The following RBFOX1 variants were observed in gnomAD, a reference collection of about 807,000 sequenced individuals.
The protein encoded by RBFOX1 is RNA binding protein fox-1 homolog 1.
RBFOX1 carries 8 observed loss-of-function variants against 57.7 expected under a neutral mutation model. The ratio of observed to expected loss-of-function variants is 0.14; its 90% confidence interval spans 0.08 to 0.25. The LOEUF (loss-of-function observed/expected upper bound fraction) is 0.25, where lower values mean the gene tolerates loss of function less well. Among genes scored for constraint, RBFOX1 ranks in the 10% least tolerant of loss-of-function variants. RBFOX1 has a pLI of 1.00. For missense variants in RBFOX1, 611 were observed against 548.5 expected (o/e 1.11, Z -1.14); for synonymous variants, 326 against 222.4 (o/e 1.47, Z -4.15).
chr16:5,426,311 G>C (rs897574737), intron 1 of RBFOX1, among the ~76,000 whole-genome samples: 9 of 152,144 alleles, frequency 5.9e-5, no homozygotes, highest in Non-Finnish European at 8.8e-5. Context: ...TCTGATTCAG[G>C]ATGTCTGTAA....
chr16:6,390,687 C>T (rs747820789), intron 2 of RBFOX1, among the ~76,000 whole-genome samples: 32 of 152,200 alleles, frequency 2.1e-4, no homozygotes, highest in Non-Finnish European at 4.4e-4. Context: ...TAAATGATGA[C>T]TTTTACAAAG....
chr16:7,060,829 C>T (rs1338347018), intron 4 of RBFOX1, among the ~76,000 whole-genome samples: 4 of 152,186 alleles, frequency 2.6e-5, no homozygotes, highest in African/African-American at 4.8e-5. Flanking sequence ...CTGGATTGTT[C>T]TGTCCTCAAA....
chr16:7,024,360 A>G (rs530214186), intron 3 of RBFOX1, among the ~76,000 whole-genome samples: 3 of 152,242 alleles, frequency 2.0e-5, no homozygotes, highest in South Asian at 4.1e-4. Context: ...TAATTCTTGG[A>G]GGGCAGTTGA....
intron 2 of RBFOX1, among the ~76,000 whole-genome samples, chr16:5,542,987 C>G (rs1359553473): frequency 6.6e-6 from 1 of 152,192 alleles, no homozygotes; most frequent in Non-Finnish European, 1.5e-5. Context: ...TGGAAAACCT[C>G]ACAGTTTATA....
At chr16:6,250,159 G>C (rs927020629) in intron 1 of RBFOX1, among the ~76,000 whole-genome samples, 1 of 152,174 alleles carries the variant, frequency 6.6e-6, no homozygotes, top group African/African-American at 2.4e-5. Context: ...TTCATCTGCT[G>C]TTGCTTAGTT....
rs2093148640 is a variant in RBFOX1, at chr16:6,837,013, A to C, written c.-16+182363A>C. 1.3e-5 allele frequency among the ~76,000 whole-genome samples: 2 copies of C among 152,112 alleles called. 1 individual carries two copies. The highest frequency in any genetic ancestry group is 1.3e-4 in the Admixed American group (2 of 15,266). The stretch of plus-strand genomic sequence containing the variant: ...CTCACATAGCTTCTCACGGATGAAC[A>C]CACCTATTTACTCGGCTTTTACAGT... On this transcript the variant is annotated intron_variant, in intron 3 of 15. Coordinates refer to ENST00000550418, the MANE Select transcript of RBFOX1 (RefSeq NM_018723.4).
At chr16:7,291,007 G>A (rs142477466) in intron 4 of RBFOX1, among the ~76,000 whole-genome samples, 83 of 152,250 alleles carry the variant, frequency 5.5e-4, no homozygotes, top group African/African-American at 1.9e-3. Context: ...TATTTAACTA[G>A]GCACTGGGCA....
At chr16:5,386,528 C>T (rs568618226) in intron 1 of RBFOX1, among the ~76,000 whole-genome samples, 11 of 152,280 alleles carry the variant, frequency 7.2e-5, no homozygotes, top group African/African-American at 2.2e-4. Flanking sequence ...CCTGCCCTCC[C>T]TACTCTTTGC....
chr16:6,058,833 T>TCC (rs2095648782), intron 1 of RBFOX1, among the ~76,000 whole-genome samples: 13 of 134,408 alleles, frequency 9.7e-5, no homozygotes, highest in East Asian at 4.4e-4. Flanking sequence ...CTCATTTATT[T>TCC]ATCCATCCAT....
chr16:6,278,267 C>G (rs948620291), intron 1 of RBFOX1, among the ~76,000 whole-genome samples: 1 of 150,384 alleles, frequency 6.6e-6, no homozygotes, highest in Non-Finnish European at 1.5e-5. Context: ...TGGCAGGGAG[C>G]AGGCATGTGC....
In RBFOX1 at chr16:5,801,851, T is replaced by A. The variant is rs563184020; in HGVS notation, c.319-65452T>A. Among the ~76,000 whole-genome samples the A allele has an allele frequency of 4.6e-5, 7 of 152,190 alleles. No individual in the cohort carries two copies. The South Asian group carries it at 1.5e-3, about 32-fold the overall frequency. On this transcript the variant is annotated intron_variant, in intron 3 of 19. Transcript: ENST00000641259. ...CATCATTAAAAATCAGAATGTTCAG[T>A]TTTGCTGGTTATGGAAGTTGTGTAT...
Position 7,404,328 on chromosome 16 carries a change from C to T in RBFOX1, c.28-113819C>T, listed in dbSNP as rs141903828. On this transcript the variant is annotated intron_variant, in intron 4 of 15. Coordinates refer to ENST00000550418, the MANE Select transcript of RBFOX1 (RefSeq NM_018723.4). ...TCAGCCTCCCAAAGTGCTGGGATTC[C>T]AGGCATAAGCCACCGTGCCCAGCCG... Among the ~76,000 whole-genome samples, 1,125 of 152,198 alleles carry T rather than the reference C, an allele frequency of 7.4e-3. 20 individuals carry two copies. Among genetic ancestry groups the T allele is most frequent in the African/African-American group, 0.026 (1,079 of 41,522 alleles).
chr16:6,739,521 C>G (rs915317538), intron 3 of RBFOX1, among the ~76,000 whole-genome samples: 2 of 139,086 alleles, frequency 1.4e-5, no homozygotes, highest in African/African-American at 2.6e-5. Context: ...AATGGTTTCA[C>G]TGGAGAATTC....
chr16:6,250,427 A>G (rs1283077874), intron 1 of RBFOX1, among the ~76,000 whole-genome samples: 1 of 152,104 alleles, frequency 6.6e-6, no homozygotes, highest in African/African-American at 2.4e-5. Flanking sequence ...GGGATTCTAG[A>G]TTATCTTTAT....
chr16:5,343,298 G>GTTTTTTT (rs33934959), intron 1 of RBFOX1, among the ~76,000 whole-genome samples: 4 of 109,944 alleles, frequency 3.6e-5, no homozygotes, highest in African/African-American at 1.3e-4. Flanking sequence ...CTTCTTTGAA[G>GTTTTTTT]TTTTTTTTTT....
chr16:7,121,011 C>T (rs558063248), intron 4 of RBFOX1, among the ~76,000 whole-genome samples: 4 of 151,896 alleles, frequency 2.6e-5, no homozygotes, highest in South Asian at 4.1e-4. Context: ...AGAAAACTAA[C>T]ACATGACCCT....
At chr16:5,868,147 T>C (rs918641123) in intron 4 of RBFOX1, among the ~76,000 whole-genome samples, 1 of 152,176 alleles carries the variant, frequency 6.6e-6, no homozygotes, top group Admixed American at 6.5e-5. Context: ...TTGTCCATGT[T>C]GTAATGTAAT....
intron 3 of RBFOX1, among the ~76,000 whole-genome samples, chr16:7,003,707 A>G (rs2093041107): frequency 6.6e-6 from 1 of 152,200 alleles, no homozygotes; most frequent in Non-Finnish European, 1.5e-5. Flanking sequence ...TAATTATTAA[A>G]CACAAACAAT....
chr16:6,058,504 G>A (rs758512108), intron 1 of RBFOX1, among the ~76,000 whole-genome samples: 4 of 152,090 alleles, frequency 2.6e-5, no homozygotes, highest in South Asian at 4.2e-4. Flanking sequence ...TGATGACATC[G>A]AAGCATTTCC....
Sources: gnomAD v4.1 joint callset for allele counts (sites outside exome capture counted in the v4.1 genomes callset) on GRCh38, gnomAD v4.1.1 for gene constraint, MANE v1.5 for transcripts, NCBI Gene and HGNC (gene_info 2026-07-23, HGNC 2026-07-21) for gene names.